The following CNTN4 variants were observed in gnomAD, a reference collection of about 807,000 sequenced individuals.
The protein encoded by CNTN4 is contactin 4.
In CNTN4, 77 loss-of-function variants were observed where a neutral mutation model predicts 122.5. The ratio of observed to expected loss-of-function variants is 0.63; its 90% CI spans 0.52 to 0.76. CNTN4 has a LOEUF of 0.76. Among genes scored for constraint, CNTN4 ranks in the 30% least tolerant of loss-of-function variants. The pLI, the probability that CNTN4 is intolerant of heterozygous loss-of-function variation, is 0.00. For missense variants in CNTN4, 1,256 were observed against 1,259.1 expected, an observed-to-expected ratio of 1.00 and a Z score of 0.04; for synonymous variants, 512 against 447.0, an observed-to-expected ratio of 1.15 and a Z score of -1.83.
At chr3:2,192,284 C>A (rs7427265) in intron 2 of CNTN4, among the ~76,000 whole-genome samples, 109,253 of 151,578 alleles carry the variant, frequency 0.72, 39,914 homozygotes, top group South Asian at 0.83. Flanking sequence ...TTCTAGTTCT[C>A]GATCCTTGAG....
chr3:2,345,237 A>G (rs1194468812), intron 3 of CNTN4, among the ~76,000 whole-genome samples: 1 of 152,152 alleles, frequency 6.6e-6, no homozygotes, highest in African/African-American at 2.4e-5. Context: ...GTGTGATTCA[A>G]TTGTCTATCA....
chr3:2,906,983 A>C (rs2094242155), intron 12 of CNTN4, among the ~76,000 whole-genome samples: 1 of 152,170 alleles, frequency 6.6e-6, no homozygotes. Context: ...ATTCCCAGTA[A>C]TATATTTCAG....
rs533751992 is a variant in CNTN4 at position 2,180,536 on chromosome 3, GT to G, written c.-145+79898del. Among the ~76,000 whole-genome samples, 219 of 152,140 alleles carry G rather than the reference GT, an allele frequency of 1.4e-3. 5 individuals carry two copies. Among genetic ancestry groups the G allele is most frequent in the Admixed American group, 0.012 (176 of 15,240 alleles). ...AGGATTTTACTTCCCTGAATACTGTGTAAAAGGCTTGACTGCAAGAAAGTTA... is the reference window on the plus strand; with the variant it reads ...AGGATTTTACTTCCCTGAATACTGTGAAAAGGCTTGACTGCAAGAAAGTTA... On this transcript the variant is annotated intron_variant, in intron 2 of 24. Coordinates refer to ENST00000418658, the MANE Select transcript of CNTN4 (RefSeq NM_175607.3).
At chr3:2,835,997 A>G (rs1378573582) in intron 7 of CNTN4, among the ~76,000 whole-genome samples, 1 of 152,134 alleles carries the variant, frequency 6.6e-6, no homozygotes, top group African/African-American at 2.4e-5. Flanking sequence ...TCAAGAACAA[A>G]CTAGAGAAAT....
At chr3:2,185,428 A>G (rs1328306937) in intron 2 of CNTN4, among the ~76,000 whole-genome samples, 3 of 152,126 alleles carry the variant, frequency 2.0e-5, no homozygotes, top group Non-Finnish European at 4.4e-5. Flanking sequence ...TTGGCTCTAA[A>G]TTAGTATCCC....
chr3:2,911,902 C>A (rs188632760), intron 12 of CNTN4, among the ~76,000 whole-genome samples: 1 of 151,742 alleles, frequency 6.6e-6, no homozygotes, highest in East Asian at 1.9e-4. Flanking sequence ...AGGAGCAAAA[C>A]GGAAAAAATA....
intron 2 of CNTN4, among the ~76,000 whole-genome samples, chr3:2,114,212 T>A (rs1308496171): frequency 6.6e-6 from 1 of 151,874 alleles, no homozygotes; most frequent in Non-Finnish European, 1.5e-5. Context: ...CAGGACTTTG[T>A]GAGGCCGAAG....
chr3:3,015,968 T>C (rs933207285), intron 14 of CNTN4, among the ~76,000 whole-genome samples: 3 of 152,220 alleles, frequency 2.0e-5, no homozygotes, highest in Non-Finnish European at 2.9e-5. Context: ...ATTTCACTGA[T>C]ACTAATGGGA....
intron 3 of CNTN4, among the ~76,000 whole-genome samples, chr3:2,570,788 A>G (rs1305123005): frequency 6.6e-6 from 1 of 152,210 alleles, no homozygotes; most frequent in Non-Finnish European, 1.5e-5. Context: ...TAACAGAAGT[A>G]TTAGTGTTCC....
intron 4 of CNTN4, among the ~76,000 whole-genome samples, chr3:2,659,791 C>T (rs925863782): frequency 3.3e-5 from 5 of 152,158 alleles, no homozygotes; most frequent in African/African-American, 1.2e-4. Context: ...TGATTGTTTT[C>T]TTTTGATGTG....
At chr3:2,247,508 T>G (rs749397071) in intron 2 of CNTN4, among the ~76,000 whole-genome samples, 1 of 151,986 alleles carries the variant, frequency 6.6e-6, no homozygotes. Flanking sequence ...AAATCAGTTT[T>G]ACAGGGAAAA....
chr3:2,780,737 T>G (rs912626268), intron 6 of CNTN4, among the ~76,000 whole-genome samples: 1 of 152,226 alleles, frequency 6.6e-6, no homozygotes, highest in Admixed American at 6.5e-5. Context: ...CCCTTAAAAT[T>G]CCACGCCCGT....
chr3:2,396,226 C>T (rs1559516375), intron 3 of CNTN4, among the ~76,000 whole-genome samples: 2 of 152,120 alleles, frequency 1.3e-5, no homozygotes, highest in East Asian at 1.9e-4. Flanking sequence ...AGTTTTGTAA[C>T]GTGGCCCAGG....
chr3:2,699,971 G>A (rs1317944398), intron 4 of CNTN4, among the ~76,000 whole-genome samples: 4 of 152,090 alleles, frequency 2.6e-5, no homozygotes, highest in Non-Finnish European at 4.4e-5. Context: ...TCATAATGCT[G>A]CACCAAACAG....
intron 4 of CNTN4, among the ~76,000 whole-genome samples, chr3:2,587,337 G>T (rs1456039274): frequency 1.3e-5 from 2 of 152,188 alleles, no homozygotes; most frequent in African/African-American, 4.8e-5. Flanking sequence ...AACAGCTTTT[G>T]CTAGAACCTG....
intron 2 of CNTN4, among the ~76,000 whole-genome samples, chr3:2,110,796 C>T (rs2032889284): frequency 6.6e-6 from 1 of 152,024 alleles, no homozygotes; most frequent in South Asian, 2.1e-4. Flanking sequence ...TCACTGTTCT[C>T]AGCTTTACCT....
chr3:3,002,708 G>T (rs1188954527), intron 14 of CNTN4, among the ~76,000 whole-genome samples: 1 of 152,092 alleles, frequency 6.6e-6, no homozygotes, highest in Non-Finnish European at 1.5e-5. Context: ...ATTTGATGAA[G>T]AAGAAGTTGG....
chr3:2,907,297 G>T (rs943845554), intron 12 of CNTN4, among the ~76,000 whole-genome samples: 25 of 152,162 alleles, frequency 1.6e-4, no homozygotes, highest in Middle Eastern at 3.2e-3. Flanking sequence ...TCTTGGCCGG[G>T]TGTAGTGGCT....
At chr3:2,526,871 C>A (rs1427431135) in intron 3 of CNTN4, among the ~76,000 whole-genome samples, 1 of 152,108 alleles carries the variant, frequency 6.6e-6, no homozygotes, top group African/African-American at 2.4e-5. Context: ...GCTAACAGAG[C>A]AGCATATGTG....
Sources: gnomAD v4.1 joint callset for allele counts (sites outside exome capture counted in the v4.1 genomes callset) on GRCh38, gnomAD v4.1.1 for gene constraint, MANE v1.5 for transcripts, NCBI Gene and HGNC (gene_info 2026-07-23, HGNC 2026-07-21) for gene names.